The following EYA4 variants were observed in gnomAD, a reference collection of about 807,000 sequenced individuals.
The protein encoded by EYA4 is EYA transcriptional coactivator and phosphatase 4.
Under a neutral mutation model 87.9 loss-of-function variants are expected in EYA4, and 31 were observed. The ratio of observed to expected loss-of-function variants is 0.35; its 90% CI spans 0.27 to 0.48. The LOEUF is 0.48. Ranked by LOEUF, EYA4 falls within the 20% of genes least tolerant of loss-of-function variation. EYA4 has a pLI of 0.99. For missense variants in EYA4, 678 were observed against 761.4 expected, an observed-to-expected ratio of 0.89 and a Z score of 1.29; for synonymous variants, 263 against 270.6, an observed-to-expected ratio of 0.97 and a Z score of 0.28.
chr6:133,484,310 A>G (rs1300195080), intron 13 of EYA4, among the ~76,000 whole-genome samples: 1 of 152,188 alleles, frequency 6.6e-6, no homozygotes, highest in Non-Finnish European at 1.5e-5. Flanking sequence ...ATTATTTTAT[A>G]ATATCTCATG....
At chr6:133,421,379 A>G (rs1790208022) in intron 3 of EYA4, among the ~76,000 whole-genome samples, 1 of 152,234 alleles carries the variant, frequency 6.6e-6, no homozygotes, top group Non-Finnish European at 1.5e-5. Flanking sequence ...ACGGAGTCTA[A>G]ATAAATCAAG....
In EYA4 at chr6:133,312,203, G is replaced by A. The variant is rs140047968; in HGVS notation, c.33+37390G>A. On this transcript the variant is annotated intron_variant, in intron 2 of 19. Transcript: ENST00000355286. ...GGAGCAGACTGTGGCTAGAAGGCAG[G>A]AGCATTGGCGGTTACCTGCTGTTAA... 2.6e-3 allele frequency among the ~76,000 whole-genome samples: 394 copies of A among 152,276 alleles called. 1 individual carries two copies. The highest frequency in any genetic ancestry group is 9.1e-3 in the African/African-American group (378 of 41,548).
chr6:133,293,005 G>A (rs530465222), intron 2 of EYA4, among the ~76,000 whole-genome samples: 148 of 152,266 alleles, frequency 9.7e-4, no homozygotes, highest in African/African-American at 2.9e-3. Context: ...TTGGTCATTC[G>A]TTGGCCACTG....
intron 2 of EYA4, among the ~76,000 whole-genome samples, chr6:133,370,117 T>A (rs1785156273): frequency 7.9e-5 from 12 of 152,160 alleles, no homozygotes; most frequent in Admixed American, 7.9e-4. Context: ...TGGGTGTTGG[T>A]TAGAGACTAT....
At chr6:133,360,212 A>ATTATGT (rs1784354399) in intron 2 of EYA4, 1 of 152,236 alleles carries the variant, frequency 6.6e-6, no homozygotes, top group Non-Finnish European at 1.5e-5. Context: ...GACAACATTT[A>ATTATGT]CAAGTAAAGG....
intron 1 of EYA4, among the ~76,000 whole-genome samples, chr6:133,262,856 A>G (rs1335149404): frequency 6.6e-6 from 1 of 152,226 alleles, no homozygotes; most frequent in East Asian, 1.9e-4. Context: ...AGGAGCTTGA[A>G]GTCAGGCAAG....
In EYA4 at chr6:133,529,017, A is replaced by C. The variant is rs1162087435; in HGVS notation, c.*212A>C. On this transcript the variant is annotated 3_prime_UTR_variant, in exon 20 of 20. Coordinates refer to ENST00000355286, the MANE Select transcript of EYA4 (RefSeq NM_004100.5). ...AACTCTATGGTCTTATATTTACAACACTTTAATGGGTTTTTTAAAAATCTG... is the reference window on the plus strand; with the variant it reads ...AACTCTATGGTCTTATATTTACAACCCTTTAATGGGTTTTTTAAAAATCTG... The C allele has an allele frequency of 7.4e-7, 1 of 1,352,454 alleles. No individual in the cohort carries two copies. The highest frequency in any genetic ancestry group is 9.5e-7 in the Non-Finnish European group (1 of 1,049,042). The allele number at this position is 1,352,454 out of a possible 1,614,324, so 83.8% of individuals were successfully genotyped here.
chr6:133,443,587 T>C (rs995714710), intron 3 of EYA4, among the ~76,000 whole-genome samples: 1 of 152,090 alleles, frequency 6.6e-6, no homozygotes, highest in African/African-American at 2.4e-5. Context: ...TTTCTTCCTC[T>C]AGTTTCTTAA....
intron 13 of EYA4, among the ~76,000 whole-genome samples, chr6:133,483,913 G>A (rs1384853676): frequency 4.6e-5 from 7 of 151,648 alleles, no homozygotes; most frequent in African/African-American, 1.2e-4. Flanking sequence ...TAGTAGAGAC[G>A]GGGTTTCACC....
intron 11 of EYA4, among the ~76,000 whole-genome samples, chr6:133,470,588 C>T (rs1795251493): frequency 2.4e-5 from 1 of 41,436 alleles, no homozygotes. Context: ...TTTTTTGGTT[C>T]CATATGAACT....
intron 3 of EYA4, among the ~76,000 whole-genome samples, chr6:133,441,769 GA>G (rs56322278): frequency 0.028 from 4,188 of 152,136 alleles, 95 homozygotes; most frequent in Middle Eastern, 0.048. Flanking sequence ...CAGGTAATTG[GA>G]ATGAGTCAGG....
intron 19 of EYA4, among the ~76,000 whole-genome samples, chr6:133,527,477 TA>T (rs1800729722): frequency 6.6e-6 from 1 of 152,332 alleles, no homozygotes; most frequent in Non-Finnish European, 1.5e-5. Flanking sequence ...TTTACAAAAT[TA>T]AAGAGAAACA....
intron 13 of EYA4, among the ~76,000 whole-genome samples, chr6:133,499,349 T>C (rs928858044): frequency 1.3e-5 from 2 of 152,192 alleles, no homozygotes; most frequent in Non-Finnish European, 2.9e-5. Context: ...CCCTGTGCTT[T>C]CTAGCCCATC....
At chr6:133,415,203 AG>A (rs1789606759) in intron 3 of EYA4, among the ~76,000 whole-genome samples, 1 of 152,190 alleles carries the variant, frequency 6.6e-6, no homozygotes, top group African/African-American at 2.4e-5. Flanking sequence ...GTATTGACAA[AG>A]GACCTCATTA....
intron 1 of EYA4, among the ~76,000 whole-genome samples, chr6:133,242,434 T>C (rs1774030070): frequency 1.3e-5 from 2 of 152,188 alleles, no homozygotes; most frequent in African/African-American, 4.8e-5. Flanking sequence ...GTCGCGTTCA[T>C]TGGCTCGAGT....
chr6:133,503,674 A>T (rs1471078666), intron 13 of EYA4, among the ~76,000 whole-genome samples: 1 of 152,192 alleles, frequency 6.6e-6, no homozygotes, highest in Non-Finnish European at 1.5e-5. Context: ...GTTTCATAGA[A>T]TATCCTCAGC....
chr6:133,487,661 T>A (rs758626475), intron 13 of EYA4, among the ~76,000 whole-genome samples: 9 of 152,066 alleles, frequency 5.9e-5, no homozygotes, highest in Non-Finnish European at 1.3e-4. Flanking sequence ...AAGGATCCAA[T>A]CTTGGCAAGA....
chr6:133,404,000 G>C (rs1014762527), intron 3 of EYA4, among the ~76,000 whole-genome samples: 7 of 152,082 alleles, frequency 4.6e-5, no homozygotes, highest in African/African-American at 1.4e-4. Flanking sequence ...TTTTAGTAGA[G>C]ATGGGGTTTC....
chr6:133,270,874 A>T (rs1227465485), intron 1 of EYA4, among the ~76,000 whole-genome samples: 1 of 152,152 alleles, frequency 6.6e-6, no homozygotes, highest in African/African-American at 2.4e-5. Context: ...CCAGCCAACA[A>T]TGTAACTCCC....
Sources: allele counts gnomAD v4.1 joint callset (sites outside exome capture counted in the v4.1 genomes callset), GRCh38; gene constraint gnomAD v4.1.1; transcripts MANE v1.5; gene names NCBI Gene and HGNC (gene_info 2026-07-23, HGNC 2026-07-21).